Variants in NOC3L observed in about 807,000 individuals in gnomAD.
NOC3L encodes the protein nucleolar complex protein 3 homolog.
A neutral mutation model predicts 102.5 loss-of-function variants in NOC3L; 85 were observed. The observed-to-expected ratio is 0.83, with a 90% confidence interval of 0.70 to 0.99. The LOEUF is 0.99. Among genes scored for constraint, NOC3L ranks in the 50% least tolerant of loss-of-function variants. NOC3L has a pLI of 0.00. For missense variants in NOC3L, 878 were observed against 914.9 expected (o/e 0.96, Z 0.52); for synonymous variants, 303 against 309.4 (o/e 0.98, Z 0.22).
chr10:94,359,707 T>C (rs1047787355), intron 2 of NOC3L, among the ~76,000 whole-genome samples: 2 of 152,036 alleles, frequency 1.3e-5, no homozygotes, highest in East Asian at 3.9e-4. Context: ...TCATCCTAGT[T>C]AAAAAGGCTT....
the NOC3L span, among the ~76,000 whole-genome samples, chr10:94,319,864 C>CCTTTTTTTT: frequency 3.0e-4 from 28 of 92,940 alleles, no homozygotes; most frequent in African/African-American, 1.0e-3. Context: ...CAAAGGTGCT[C>CCTTTTTTTT]TTTTTTTTTT....
In NOC3L at chr10:94,344,913, T is replaced by C. The variant is rs1483552377; in HGVS notation, c.1410A>G (p.Lys470=). Residue 470 remains lysine, a synonymous_variant, in exon 12 of 21, where the codon AAA becomes AAG. Coordinates refer to ENST00000371361, the MANE Select transcript of NOC3L (RefSeq NM_022451.11). ...CTGCCTCTCGAAGCTCTCGCTCTAG[T>C]TTCTCTTCTGCTTTCTTCCACTGAA... ...MQRKWKKAEE[K]LERELREAEA... 3.7e-6 allele frequency: 6 copies of C among 1,610,096 alleles called. No homozygotes were observed. Among genetic ancestry groups the C allele is most frequent in the Non-Finnish European group, 5.1e-6 (6 of 1,179,242 alleles).
intron 13 of NOC3L, 46 bp downstream of exon 13, chr10:94,344,369 C>CT (rs759466785): frequency 1.2e-5 from 16 of 1,299,400 alleles, no homozygotes; most frequent in Non-Finnish European, 2.2e-6. Context: ...TTTGGTCTTT[C>CT]CTATTTAGAA....
chr10:94,341,847 C>T lies in NOC3L; in HGVS notation c.1572-102G>A, dbSNP rs114124813. On this transcript the variant is annotated intron_variant, in intron 13 of 20. Coordinates refer to ENST00000371361, the MANE Select transcript of NOC3L (RefSeq NM_022451.11). ...ACTGTATTTTTAATATTCTTTATTT[C>T]GAAATGTTAGCTATGAAAGACATGG... 1,085 of 611,338 alleles carry T rather than the reference C, an allele frequency of 1.8e-3. 6 individuals carry two copies. The highest frequency in any genetic ancestry group is 8.8e-3 in the African/African-American group (460 of 52,220). The allele number at this position is 611,338 out of a possible 1,614,324, so 37.9% of individuals were successfully genotyped here.
chr10:94,339,767 A>G lies in NOC3L; in HGVS notation c.1934T>C (p.Ile645Thr). The G allele has an allele frequency of 6.2e-7, 1 of 1,614,078 alleles. No homozygotes were observed. Residue 645 changes from isoleucine to threonine, a missense_variant, in exon 17 of 21, where the codon ATT (isoleucine) becomes ACT (threonine). Ile to Thr is a moderately conservative substitution (Grantham distance 89). Coordinates refer to ENST00000371361, the MANE Select transcript of NOC3L (RefSeq NM_022451.11). ...CATTAATATTCTGGTAGTTGCTAAAATGCCAATACTTGAATTTGGAAGAAC... is the reference window on the plus strand; with the variant it reads ...CATTAATATTCTGGTAGTTGCTAAAGTGCCAATACTTGAATTTGGAAGAAC... ...LHVLPNSSIG[I>T]LATTRILMHT...
chr10:94,340,047 G>C (rs1456573520), intron 16 of NOC3L, 127 bp from the exon 17 acceptor site: 1 of 827,418 alleles, frequency 1.2e-6, no homozygotes, highest in Admixed American at 2.7e-5. Context: ...AATCAATGAG[G>C]TAGTGCTATA....
rs964845862 is a variant in NOC3L, at chr10:94,362,910, T to C, written c.-72A>G. 1.1e-5 allele frequency: 18 copies of C among 1,612,638 alleles called. No individual in the cohort carries two copies. The highest frequency in any genetic ancestry group is 1.7e-5 in the Admixed American group (1 of 59,996). The stretch of plus-strand genomic sequence containing the variant: ...GGGTTACTACAGAAATCCCGGGGAA[T>C]GACACACGTGCCGAAGTCCCTACAC... On this transcript the variant is annotated 5_prime_UTR_variant, in exon 1 of 21. Coordinates refer to ENST00000371361, the MANE Select transcript of NOC3L (RefSeq NM_022451.11).
chr10:94,336,365 T>C (rs2054217765), intron 19 of NOC3L, among the ~76,000 whole-genome samples: 1 of 151,926 alleles, frequency 6.6e-6, no homozygotes, highest in Non-Finnish European at 1.5e-5. Flanking sequence ...TTTTTTTTTT[T>C]TCAGACGGAT....
At chr10:94,334,893 C>T (rs573158029) in intron 19 of NOC3L, among the ~76,000 whole-genome samples, 175 bp from the exon 20 acceptor site, 2 of 152,296 alleles carry the variant, frequency 1.3e-5, no homozygotes, top group African/African-American at 4.8e-5. Flanking sequence ...GTAATGTCAA[C>T]ATTATCCAAC....
At chr10:94,339,342 A>C (rs2054256134) in intron 17 of NOC3L, among the ~76,000 whole-genome samples, 1 of 137,198 alleles carries the variant, frequency 7.3e-6, no homozygotes, top group Non-Finnish European at 1.6e-5. Context: ...AATTAAATAA[A>C]CCTTACATAA....
intron 7 of NOC3L, among the ~76,000 whole-genome samples, 175 bp downstream of exon 7, chr10:94,352,721 C>T (rs1350258033): frequency 6.6e-6 from 1 of 152,022 alleles, no homozygotes; most frequent in Admixed American, 6.6e-5. Flanking sequence ...ACTGAGGGGG[C>T]TGAGGCAGGA....
chr10:94,362,082 T>C (rs566751762), intron 1 of NOC3L: 17 of 609,692 alleles, frequency 2.8e-5, no homozygotes, highest in Non-Finnish European at 5.0e-5. Context: ...TTCACAGCAA[T>C]TCAAAGGGTT....
At chr10:94,327,341 T>C in the NOC3L span, among the ~76,000 whole-genome samples, 1 of 151,990 alleles carries the variant, frequency 6.6e-6, no homozygotes, top group Non-Finnish European at 1.5e-5. Flanking sequence ...ATGCCTGTAA[T>C]CCCAGCACTG....
chr10:94,340,906 GGGAGGC>G (rs2054276299), intron 14 of NOC3L, among the ~76,000 whole-genome samples: 1 of 151,484 alleles, frequency 6.6e-6, no homozygotes, highest in South Asian at 2.1e-4. Context: ...GTGTGAACCC[GGGAGGC>G]GGAGCTTGCA....
At position 94,339,793 on chromosome 10, in the gene NOC3L, A is replaced by G. The variant is rs2054260705; in HGVS notation, c.1908T>C (p.His636=). The part of the protein sequence containing the change: ...FIKRLCTLAL[H]VLPNSSIGIL... Reference sequence around the variant, plus strand: ...TGCCAATACTTGAATTTGGAAGAACATGAAGAGCAAGGGTACAAAGGCGTT... The same window carrying G: ...TGCCAATACTTGAATTTGGAAGAACGTGAAGAGCAAGGGTACAAAGGCGTT... Residue 636 remains histidine, a synonymous_variant, in exon 17 of 21, where the codon CAT becomes CAC. Transcript: ENST00000371361. The G allele has an allele frequency of 6.2e-7, 1 of 1,614,052 alleles. No individual in the cohort carries two copies. The highest frequency in any genetic ancestry group is 1.3e-5 in the African/African-American group (1 of 74,946).
At chr10:94,337,988 A>G (rs1211234942) in intron 18 of NOC3L, 114 bp from the exon 19 acceptor site, 1 of 623,548 alleles carries the variant, frequency 1.6e-6, no homozygotes, top group Admixed American at 2.8e-5. Flanking sequence ...TTCATCACCT[A>G]TGTACAGTAT....
chr10:94,358,874 C>G (rs2054518681), intron 2 of NOC3L, among the ~76,000 whole-genome samples: 1 of 152,178 alleles, frequency 6.6e-6, no homozygotes, highest in Non-Finnish European at 1.5e-5. Flanking sequence ...CACACTCTTG[C>G]CAATATCCTC....
intron 2 of NOC3L, 125 bp downstream of exon 2, chr10:94,361,540 T>G (rs1205601075): frequency 1.2e-6 from 1 of 845,342 alleles, no homozygotes. Context: ...AGGACTACTA[T>G]CCTTACCCAC....
Position 94,339,754 on chromosome 10 carries a change from G to A in NOC3L, c.1947C>T (p.Thr649=), listed in dbSNP as rs1292026592. The part of the protein sequence containing the change: ...PNSSIGILAT[T]RILMHTFPKT... The stretch of plus-strand genomic sequence containing the variant: ...CACTACTTACATGCATTAATATTCT[G>A]GTAGTTGCTAAAATGCCAATACTTG... The change falls in exon 17 of 21, where the codon ACC becomes ACT. Residue 649 remains threonine, a synonymous_variant. Coordinates refer to ENST00000371361, the MANE Select transcript of NOC3L (RefSeq NM_022451.11). 8 of 1,613,360 alleles carry A rather than the reference G, an allele frequency of 5.0e-6. No individual in the cohort carries two copies. In the Admixed American group the frequency reaches 5.0e-5, roughly 10 times the overall value.
Sources: gnomAD v4.1 joint callset for allele counts (sites outside exome capture counted in the v4.1 genomes callset) on GRCh38, gnomAD v4.1.1 for gene constraint, MANE v1.5 for transcripts, NCBI Gene and HGNC (gene_info 2026-07-23, HGNC 2026-07-21) for gene names.